CUL1: variants seen among roughly 807,000 people sequenced by gnomAD.
CUL1 encodes cullin 1.
CUL1 carries 24 observed loss-of-function variants against 118.0 expected under a neutral mutation model. The ratio of observed to expected loss-of-function variants is 0.20; its 90% CI spans 0.15 to 0.29. CUL1 has a LOEUF of 0.29. Among genes scored for constraint, CUL1 ranks in the 10% least tolerant of loss-of-function variants. The probability of loss-of-function intolerance (pLI) is 1.00; values close to 1 mark genes in which losing one functional copy is unlikely to be tolerated. For missense variants in CUL1, 361 were observed against 933.8 expected (o/e 0.39, Z 7.99); for synonymous variants, 332 against 340.4 (o/e 0.98, Z 0.27).
intron 2 of CUL1, among the ~76,000 whole-genome samples, chr7:148,750,187 G>C (rs908628956): frequency 6.6e-6 from 1 of 152,314 alleles, no homozygotes; most frequent in African/African-American, 2.4e-5. Flanking sequence ...ATGGAGAATA[G>C]CAAGTTAGCC....
intron 2 of CUL1, among the ~76,000 whole-genome samples, chr7:148,745,181 G>C (rs1799272353): frequency 6.6e-6 from 1 of 151,942 alleles, no homozygotes; most frequent in Non-Finnish European, 1.5e-5. Flanking sequence ...TGGTATTTCA[G>C]TTCTAGAATT....
intron 1 of CUL1, among the ~76,000 whole-genome samples, chr7:148,712,970 ACT>A (rs1258543260): frequency 1.3e-5 from 2 of 152,212 alleles, no homozygotes; most frequent in African/African-American, 4.8e-5. Context: ...AAAAAAATGC[ACT>A]GAGTAATACT....
rs764038122 is a variant in CUL1, at chr7:148,730,222, C to T, written c.100C>T (p.Arg34Trp). ...AGCCGGCATCCAGCAGGTGTACACA[C>T]GGCAGAGCATGGCCAAGTCCAGATA... ...LRAGIQQVYT[R>W]QSMAKSRYME... The change falls in exon 2 of 22, where the codon CGG (arginine) becomes TGG (tryptophan). Residue 34 changes from arginine (R) to tryptophan (W), a missense_variant. Arg to Trp is a moderately radical substitution (Grantham distance 101). This residue lies in a region of CUL1 where 13 missense variants were observed against 56.5 expected (regional missense o/e 0.23). Coordinates refer to ENST00000325222, the MANE Select transcript of CUL1 (RefSeq NM_003592.3). The T allele has an allele frequency of 1.2e-6, 2 of 1,614,066 alleles. No homozygotes were observed. Among genetic ancestry groups the T allele is most frequent in the Non-Finnish European group, 8.5e-7 (1 of 1,180,024 alleles).
chr7:148,779,654 C>G (rs1035764617), intron 9 of CUL1, among the ~76,000 whole-genome samples: 1 of 152,148 alleles, frequency 6.6e-6, no homozygotes, highest in Non-Finnish European at 1.5e-5. Flanking sequence ...GAGAGTGATA[C>G]AGTCATGGAA....
rs571424043 is a variant in CUL1, at chr7:148,706,947, C to T, written c.-162+7918C>T. 5.3e-5 allele frequency among the ~76,000 whole-genome samples: 8 copies of T among 152,136 alleles called. No individual in the cohort carries two copies. The South Asian group carries it at 1.7e-3, about 32-fold the overall frequency. ...GATCTGTGAATAAACGTAGGAAATG[C>T]CAGGTGGCATATTGAAGGGCCTTTA... On this transcript the variant is annotated intron_variant, in intron 1 of 21. Transcript: ENST00000325222.
At chr7:148,778,103 A>AAAAAAAAAAAAG (rs1563166664) in intron 9 of CUL1, among the ~76,000 whole-genome samples, 1 of 147,512 alleles carries the variant, frequency 6.8e-6, no homozygotes. Flanking sequence ...AAAAAGAAGA[A>AAAAAAAAAAAAG]GAAGAAGAAT....
chr7:148,770,181 C>T (rs548514922), intron 9 of CUL1, among the ~76,000 whole-genome samples: 5 of 152,308 alleles, frequency 3.3e-5, no homozygotes, highest in Admixed American at 6.5e-5. Flanking sequence ...AAGCTTCATC[C>T]GTCAGCAATG....
At chr7:148,738,996 A>G (rs1294383455) in intron 2 of CUL1, among the ~76,000 whole-genome samples, 3 of 152,332 alleles carry the variant, frequency 2.0e-5, no homozygotes, top group South Asian at 2.1e-4. Flanking sequence ...GAGCCCAGGC[A>G]TAGAGAGCAG....
At chr7:148,714,887 G>A (rs1008347) in intron 1 of CUL1, among the ~76,000 whole-genome samples, 2 of 152,068 alleles carry the variant, frequency 1.3e-5, no homozygotes, top group African/African-American at 4.8e-5. Flanking sequence ...TTTTTTGTTT[G>A]TTTGTTTGTT....
chr7:148,703,850 TAA>T (rs1797797116), intron 1 of CUL1, among the ~76,000 whole-genome samples: 1 of 152,072 alleles, frequency 6.6e-6, no homozygotes, highest in Non-Finnish European at 1.5e-5. Context: ...TTTAAAGTAG[TAA>T]AAATGGCTGT....
intron 1 of CUL1, among the ~76,000 whole-genome samples, chr7:148,705,326 CTT>C (rs1797847332): frequency 6.6e-6 from 1 of 151,820 alleles, no homozygotes; most frequent in South Asian, 2.1e-4. Flanking sequence ...AATCTTTAAA[CTT>C]AATGTCATTA....
intron 3 of CUL1, among the ~76,000 whole-genome samples, chr7:148,755,304 A>G (rs2129460387): frequency 6.6e-6 from 1 of 152,296 alleles, no homozygotes; most frequent in South Asian, 2.1e-4. Flanking sequence ...CTACACTGTC[A>G]AAGAGTGAAG....
At chr7:148,778,884 T>C (rs1170654549) in intron 9 of CUL1, among the ~76,000 whole-genome samples, 1 of 152,174 alleles carries the variant, frequency 6.6e-6, no homozygotes, top group African/African-American at 2.4e-5. Context: ...GATGAAATGG[T>C]GAAGGATGCT....
In CUL1 at chr7:148,800,793, A is replaced by G. The variant is rs1338520963; in HGVS notation, c.*211A>G. 2.0e-6 allele frequency: 1 copy of G among 488,804 alleles called. No homozygotes were observed. Among genetic ancestry groups the G allele is most frequent in the East Asian group, 3.7e-5 (1 of 27,382 alleles). 30.3% of individuals were successfully genotyped at this position (488,804 alleles called of 1,614,324 possible). A position where few individuals can be genotyped will look rare whatever the true frequency, so the allele number is the denominator to read the frequency against. The stretch of plus-strand genomic sequence containing the variant: ...GTCTGTAAATACGGACACCAACGCC[A>G]TTTACCCTAATTTAAGAACAGCGGG... On this transcript the variant is annotated 3_prime_UTR_variant, in exon 22 of 22. Coordinates refer to ENST00000325222, the MANE Select transcript of CUL1 (RefSeq NM_003592.3). This position sits in a 1 kb window ranked among gnomAD's most constrained non-coding sequence, Gnocchi z 4.6.
At chr7:148,698,528 C>G (rs1377931077), upstream of CUL1, 1 of 151,964 alleles carries the variant, frequency 6.6e-6, no homozygotes, top group African/African-American at 2.4e-5. Flanking sequence ...GGGCAGGGGC[C>G]GCAGGCTCGC....
intron 2 of CUL1, among the ~76,000 whole-genome samples, chr7:148,752,392 A>G (rs1368026088): frequency 1.3e-5 from 2 of 151,964 alleles, no homozygotes; most frequent in Non-Finnish European, 2.9e-5. Flanking sequence ...GTAGTTGTTT[A>G]TTGTAATCTG....
At chr7:148,747,085 A>T (rs1227645946) in intron 2 of CUL1, among the ~76,000 whole-genome samples, 1 of 152,234 alleles carries the variant, frequency 6.6e-6, no homozygotes. Flanking sequence ...ATCAAAAGGA[A>T]TGCACTTGTT....
intron 5 of CUL1, 42 bp downstream of exon 5, chr7:148,759,396 C>G (rs779916984): frequency 6.2e-7 from 1 of 1,602,308 alleles, no homozygotes; most frequent in Admixed American, 1.7e-5. Flanking sequence ...TTTTAAAATC[C>G]CTTCGCAGTT....
chr7:148,699,375 G>A (rs1275453292), intron 1 of CUL1, among the ~76,000 whole-genome samples: 1 of 152,114 alleles, frequency 6.6e-6, no homozygotes, highest in East Asian at 1.9e-4. Context: ...GCCGCGACCG[G>A]GCTGGGTTCT....
Sources: allele counts gnomAD v4.1 joint callset (sites outside exome capture counted in the v4.1 genomes callset), GRCh38; gene constraint gnomAD v4.1.1; regional missense constraint gnomAD v4.1.1; non-coding constraint Gnocchi (gnomAD v3.1); transcripts MANE v1.5; gene names NCBI Gene and HGNC (gene_info 2026-07-23, HGNC 2026-07-21).